LYPD1: variants seen among roughly 807,000 people sequenced by gnomAD.
The protein encoded by LYPD1 is ly6/PLAUR domain-containing protein 1.
A neutral mutation model predicts 14.2 loss-of-function variants in LYPD1; 14 were observed. The ratio of observed to expected loss-of-function variants is 0.99; its 90% confidence interval spans 0.65 to 1.54. The LOEUF (loss-of-function observed/expected upper bound fraction) is 1.54, where lower values mean the gene tolerates loss of function less well. Ranked by LOEUF, LYPD1 falls within the 40% of genes most tolerant of loss-of-function variation. LYPD1 has a pLI of 0.00. For synonymous variants in LYPD1, 85 were observed against 70.6 expected, an observed-to-expected ratio of 1.20 and a Z score of -1.02; for missense variants, 165 against 175.7, an observed-to-expected ratio of 0.94 and a Z score of 0.34.
At chr2:132,663,112 CTGGAA>C (rs1469065610) in intron 2 of LYPD1, 1 of 152,154 alleles carries the variant, frequency 6.6e-6, no homozygotes, top group East Asian at 1.9e-4. Context: ...CTTTTAGTGT[CTGGAA>C]AGGAAAGGAG....
chr2:132,646,093 G>A lies in LYPD1; in HGVS notation c.378C>T (p.Arg126=). ...CTAATTTGAGGAACAGGATGGTGGTGCGGAGCCCTGGCCTGAGGGCCGAGG... is the reference window on the plus strand; with the variant it reads ...CTAATTTGAGGAACAGGATGGTGGTACGGAGCCCTGGCCTGAGGGCCGAGG... ...SSASALRPGL[R]TTILFLKLAL... Residue 126 remains arginine, a synonymous_variant, in exon 3 of 3, where the codon CGC becomes CGT. Transcript: ENST00000397463. 1 of 1,605,426 alleles carries A rather than the reference G, an allele frequency of 6.2e-7. No individual in the cohort carries two copies. The highest frequency in any genetic ancestry group is 1.1e-5 in the South Asian group (1 of 89,668).
Position 132,669,789 on chromosome 2 carries a change from G to A in LYPD1, c.52+92C>T, listed in dbSNP as rs1390757888. 1.3e-6 allele frequency: 2 copies of A among 1,558,000 alleles called. No homozygotes were observed. The highest frequency in any genetic ancestry group is 1.7e-6 in the Non-Finnish European group (2 of 1,155,132). On this transcript the variant is annotated intron_variant, in intron 1 of 2. Transcript: ENST00000397463. The surrounding 1 kb of genome is among the most constrained non-coding windows in gnomAD (Gnocchi z 4.3). The stretch of plus-strand genomic sequence containing the variant: ...GCTGGGCAGCCCCAGCGCAGGGCTG[G>A]CCCCGAGGTGGGCGCCTTGGGGGCA...
In LYPD1 at chr2:132,645,617, A is replaced by G; in HGVS notation, c.*428T>C. 6.2e-7 allele frequency: 1 copy of G among 1,604,354 alleles called. No individual in the cohort carries two copies. Among genetic ancestry groups the G allele is most frequent in the Non-Finnish European group, 8.5e-7 (1 of 1,174,952 alleles). ...GAGCATGAAGTTTGAATGTCAAGCG[A>G]GGGAGCCTTGAGTGGGAACTGGCCC... is the stretch of plus-strand genomic sequence containing the variant. On this transcript the variant is annotated 3_prime_UTR_variant, in exon 3 of 3. Coordinates refer to ENST00000397463, the MANE Select transcript of LYPD1 (RefSeq NM_144586.7).
At chr2:132,665,137 G>A (rs971731034) in intron 2 of LYPD1, among the ~76,000 whole-genome samples, 2 of 152,268 alleles carry the variant, frequency 1.3e-5, no homozygotes, top group African/African-American at 4.8e-5. Flanking sequence ...TGTCACTCTG[G>A]GGAATAGGTA....
At chr2:132,654,939 G>C (rs752307793) in intron 2 of LYPD1, among the ~76,000 whole-genome samples, 17 of 151,896 alleles carry the variant, frequency 1.1e-4, no homozygotes, top group African/African-American at 3.9e-4. Context: ...TAGTAGAGAC[G>C]GGGTTTCACC....
chr2:132,657,267 G>T (rs1682652394), intron 2 of LYPD1, among the ~76,000 whole-genome samples: 1 of 152,208 alleles, frequency 6.6e-6, no homozygotes, highest in African/African-American at 2.4e-5. Flanking sequence ...GAGGGAGGAA[G>T]GTTTCTGCGC....
Position 132,645,707 on chromosome 2 carries a change from A to G in LYPD1, c.*338T>C. The G allele has an allele frequency of 2.1e-6, 3 of 1,461,032 alleles. No homozygotes were observed. The highest frequency in any genetic ancestry group is 1.8e-6 in the Non-Finnish European group (2 of 1,089,250). 90.5% of individuals were successfully genotyped at this position (1,461,032 alleles called of 1,614,324 possible). A position where few individuals can be genotyped will look rare whatever the true frequency, so the allele number is the denominator to read the frequency against. On this transcript the variant is annotated 3_prime_UTR_variant, in exon 3 of 3. Coordinates refer to ENST00000397463, the MANE Select transcript of LYPD1 (RefSeq NM_144586.7). Reference sequence around the variant, plus strand: ...AAACTATGCCCCCATCAGGGATGGAATGGACACTGGAGGCTTTACAAAAGG... The same window carrying G: ...AAACTATGCCCCCATCAGGGATGGAGTGGACACTGGAGGCTTTACAAAAGG...
chr2:132,647,131 C>T (rs1002889703), intron 2 of LYPD1, among the ~76,000 whole-genome samples: 6 of 152,188 alleles, frequency 3.9e-5, no homozygotes, highest in Non-Finnish European at 5.9e-5. Context: ...GTCTCCCAGG[C>T]ACTATTCAGA....
chr2:132,668,624 C>T, intron 1 of LYPD1, 87 bp from the exon 2 acceptor site: 2 of 1,538,834 alleles, frequency 1.3e-6, no homozygotes, highest in South Asian at 1.2e-5. Flanking sequence ...CAGAGCCAGG[C>T]GGCTCCCAGC....
chr2:132,662,822 T>C (rs1683033918), intron 2 of LYPD1, among the ~76,000 whole-genome samples: 1 of 152,204 alleles, frequency 6.6e-6, no homozygotes, highest in South Asian at 2.1e-4. Flanking sequence ...ACAGCAGCTT[T>C]CATGCAATCA....
At position 132,670,110 on chromosome 2, in the gene LYPD1, C is replaced by T. The variant is rs1040763779; in HGVS notation, c.-178G>A. The T allele has an allele frequency of 1.7e-5, 24 of 1,430,766 alleles. No homozygotes were observed. Among genetic ancestry groups the T allele is most frequent in the Non-Finnish European group, 2.0e-5 (22 of 1,103,092 alleles). The allele number at this position is 1,430,766 out of a possible 1,614,324, so 88.6% of individuals were successfully genotyped here. A position where few individuals can be genotyped will look rare whatever the true frequency, so the allele number is the denominator to read the frequency against. On this transcript the variant is annotated 5_prime_UTR_variant, in exon 1 of 3. Transcript: ENST00000397463. The surrounding 1 kb of genome is among the most constrained non-coding windows in gnomAD (Gnocchi z 4.5). ...GGTGCCGCTCGCGGAGCCTGCATCG[C>T]CCGCGCTCGGGCTCCCGGCTGCGGG...
rs372264250 is a variant in LYPD1, at chr2:132,646,087, G to A, written c.384C>T (p.Thr128=). The change falls in exon 3 of 3, where the codon ACC becomes ACT. Residue 128 remains threonine, a synonymous_variant. Coordinates refer to ENST00000397463, the MANE Select transcript of LYPD1 (RefSeq NM_144586.7). ...ASALRPGLRT[T]ILFLKLALFS... ...AGAGGGCTAATTTGAGGAACAGGATGGTGGTGCGGAGCCCTGGCCTGAGGG... is the reference window on the plus strand; with the variant it reads ...AGAGGGCTAATTTGAGGAACAGGATAGTGGTGCGGAGCCCTGGCCTGAGGG... The A allele has an allele frequency of 6.2e-7, 1 of 1,603,762 alleles. No individual in the cohort carries two copies. Among genetic ancestry groups the A allele is most frequent in the African/African-American group, 1.3e-5 (1 of 74,598 alleles).
In LYPD1 at chr2:132,643,710, G is replaced by C. The variant is rs1175140008; in HGVS notation, c.*2335C>G. Among the ~76,000 whole-genome samples, 1 of 152,084 alleles carries C rather than the reference G, an allele frequency of 6.6e-6. No homozygotes were observed. The highest frequency in any genetic ancestry group is 1.5e-5 in the Non-Finnish European group (1 of 68,028). On this transcript the variant is annotated 3_prime_UTR_variant, in exon 3 of 3. Transcript: ENST00000397463. ...AAGTTTTTCTTTTTTTGTAGAGATG[G>C]GGTCTTGCTATGTTGCCTAGGTGGG...
chr2:132,669,780 G>A lies in LYPD1; in HGVS notation c.52+101C>T. The A allele has an allele frequency of 6.5e-7, 1 of 1,539,326 alleles. No homozygotes were observed. ...CCAACTCCCGCTGGGCAGCCCCAGC[G>A]CAGGGCTGGCCCCGAGGTGGGCGCC... On this transcript the variant is annotated intron_variant, in intron 1 of 2. Coordinates refer to ENST00000397463, the MANE Select transcript of LYPD1 (RefSeq NM_144586.7). This position sits in a 1 kb window ranked among gnomAD's most constrained non-coding sequence, Gnocchi z 4.3.
At chr2:132,658,935 A>G (rs1379435911) in intron 2 of LYPD1, among the ~76,000 whole-genome samples, 2 of 144,464 alleles carry the variant, frequency 1.4e-5, no homozygotes, top group African/African-American at 5.4e-5. Flanking sequence ...CAACCACCAT[A>G]TAAGCTGGTG....
chr2:132,662,717 A>G (rs1683027647), intron 2 of LYPD1, among the ~76,000 whole-genome samples: 2 of 152,168 alleles, frequency 1.3e-5, no homozygotes, highest in Non-Finnish European at 2.9e-5. Context: ...AGAAAATGGT[A>G]TGTTTTGTTT....
chr2:132,664,417 C>A (rs1031251642), intron 2 of LYPD1, among the ~76,000 whole-genome samples: 3 of 152,132 alleles, frequency 2.0e-5, no homozygotes, highest in Non-Finnish European at 4.4e-5. Flanking sequence ...CATCCCTGCC[C>A]AACTTAATGA....
chr2:132,645,375 T>C lies in LYPD1; in HGVS notation c.*670A>G. The C allele has an allele frequency of 1.2e-6, 2 of 1,613,894 alleles. No homozygotes were observed. The highest frequency in any genetic ancestry group is 4.5e-5 in the East Asian group (2 of 44,866). On this transcript the variant is annotated 3_prime_UTR_variant, in exon 3 of 3. Transcript: ENST00000397463. The stretch of plus-strand genomic sequence containing the variant: ...ACCACGAGAAGCGCCTGCGCGTACA[T>C]GCGCACTCCACCACCGACAGCGCCC...
intron 2 of LYPD1, chr2:132,646,483 A>T (rs1682088442): frequency 2.5e-6 from 1 of 402,946 alleles, no homozygotes; most frequent in African/African-American, 2.1e-5. Context: ...ATTAGTTTTA[A>T]CAAAACTGTT....
Sources: gnomAD v4.1 joint callset for allele counts (sites outside exome capture counted in the v4.1 genomes callset) on GRCh38, gnomAD v4.1.1 for gene constraint, Gnocchi (gnomAD v3.1) non-coding constraint, MANE v1.5 for transcripts, NCBI Gene and HGNC (gene_info 2026-07-23, HGNC 2026-07-21) for gene names.